Variants in CNTLN observed in about 807,000 individuals in gnomAD.
CNTLN encodes the protein centlein, centrosomal protein.
In CNTLN, 212 loss-of-function variants were observed where a neutral mutation model predicts 180.0. That is an observed-to-expected ratio of 1.18 (90% CI 1.05 to 1.32). The LOEUF is 1.32. CNTLN is among the 40% of genes most tolerant of loss of function. The pLI is 0.00. For missense variants in CNTLN, 2,095 were observed against 1,610.9 expected (o/e 1.30, Z -5.14); for synonymous variants, 722 against 563.1 (o/e 1.28, Z -3.99).
intron 18 of CNTLN, among the ~76,000 whole-genome samples, chr9:17,423,755 T>C (rs1828890754): frequency 6.6e-6 from 1 of 152,126 alleles, no homozygotes; most frequent in Admixed American, 6.5e-5. Context: ...GCGGGGATAG[T>C]TTAAATGCAC....
chr9:17,510,046 C>T, the CNTLN span, among the ~76,000 whole-genome samples: 1 of 152,106 alleles, frequency 6.6e-6, no homozygotes. Context: ...ATCTGGAATA[C>T]AGGTGATCCT....
intron 15 of CNTLN, among the ~76,000 whole-genome samples, chr9:17,398,792 A>G (rs1826734582): frequency 6.6e-6 from 1 of 152,240 alleles, no homozygotes. Flanking sequence ...AAAACGTGCC[A>G]TACCAAAATA....
chr9:17,328,125 C>A (rs1820423609), intron 8 of CNTLN, among the ~76,000 whole-genome samples: 1 of 152,148 alleles, frequency 6.6e-6, no homozygotes, highest in African/African-American at 2.4e-5. Flanking sequence ...TCTATTTCTA[C>A]ATATAATATA....
chr9:17,448,269 G>GA (rs1830564526), intron 18 of CNTLN: 1 of 154,648 alleles, frequency 6.5e-6, no homozygotes, highest in Non-Finnish European at 1.4e-5. Context: ...CCTGGATGAA[G>GA]AAATTTTTCA....
downstream of CNTLN, among the ~76,000 whole-genome samples, chr9:17,505,675 G>C (rs1833920801): frequency 6.6e-6 from 1 of 152,052 alleles, no homozygotes; most frequent in Admixed American, 6.6e-5. Context: ...CCATGGGTTA[G>C]GATACTTATG....
chr9:17,147,876 G>T (rs1453600297), intron 2 of CNTLN, among the ~76,000 whole-genome samples: 1 of 152,042 alleles, frequency 6.6e-6, no homozygotes. Context: ...CTGTATTATT[G>T]GTTTCAACCG....
chr9:17,330,583 G>T, intron 8 of CNTLN, 49 bp from the exon 9 acceptor site: 1 of 978,456 alleles, frequency 1.0e-6, no homozygotes, highest in Non-Finnish European at 1.5e-6. Flanking sequence ...TATAAATAAT[G>T]TAAGATACAA....
chr9:17,409,083 G>A (rs911542896), intron 15 of CNTLN, among the ~76,000 whole-genome samples: 9 of 152,132 alleles, frequency 5.9e-5, no homozygotes, highest in African/African-American at 2.2e-4. Context: ...TTTGAAATTA[G>A]ATAATCTGTT....
intron 2 of CNTLN, among the ~76,000 whole-genome samples, chr9:17,211,268 C>A (rs200067987): frequency 9.9e-5 from 15 of 152,078 alleles, no homozygotes; most frequent in African/African-American, 2.2e-4. Context: ...TCAGCTTTCT[C>A]CATATGGCTA....
intron 8 of CNTLN, among the ~76,000 whole-genome samples, chr9:17,310,279 A>C (rs1819035747): frequency 6.6e-6 from 1 of 152,102 alleles, no homozygotes; most frequent in Non-Finnish European, 1.5e-5. Context: ...ATCATATACA[A>C]ATTTATGAGG....
intron 12 of CNTLN, among the ~76,000 whole-genome samples, chr9:17,359,806 A>G (rs1823207788): frequency 6.9e-6 from 1 of 144,484 alleles, no homozygotes; most frequent in Non-Finnish European, 1.5e-5. Flanking sequence ...AGGCTGAGGC[A>G]GGAGAATGGC....
chr9:17,368,834 C>G (rs1824061373), intron 13 of CNTLN, among the ~76,000 whole-genome samples: 1 of 152,190 alleles, frequency 6.6e-6, no homozygotes, highest in South Asian at 2.1e-4. Flanking sequence ...ATCACAACAC[C>G]CAAGTCCTTT....
At chr9:17,286,745 G>C (rs1275954383) in intron 6 of CNTLN, among the ~76,000 whole-genome samples, 2 of 110,374 alleles carry the variant, frequency 1.8e-5, no homozygotes, top group Non-Finnish European at 3.5e-5. Flanking sequence ...TGGATTCCTA[G>C]GTATTTTATT....
chr9:17,456,654 G>A (rs919345589), intron 18 of CNTLN, among the ~76,000 whole-genome samples: 10 of 151,990 alleles, frequency 6.6e-5, no homozygotes, highest in African/African-American at 2.4e-4. Context: ...TTCCCCCTCT[G>A]AGAGATTTCA....
intron 12 of CNTLN, among the ~76,000 whole-genome samples, chr9:17,363,236 C>A (rs984019860): frequency 6.6e-6 from 1 of 152,072 alleles, no homozygotes; most frequent in Admixed American, 6.5e-5. Flanking sequence ...CTGGGTATAC[C>A]CAGTAATGGG....
chr9:17,330,720 T>C lies in CNTLN; in HGVS notation c.1430T>C (p.Ile477Thr), dbSNP rs1174809378. The C allele has an allele frequency of 1.2e-6, 2 of 1,612,078 alleles. No homozygotes were observed. Among genetic ancestry groups the C allele is most frequent in the South Asian group, 1.1e-5 (1 of 90,868 alleles). ...EIEYLQEKLK[I>T]ANEKLSENIS... ...GAGTATTTACAGGAGAAACTAAAGATAGCAAATGAAAAACTGTCAGAAAAC... is the reference window on the plus strand; with the variant it reads ...GAGTATTTACAGGAGAAACTAAAGACAGCAAATGAAAAACTGTCAGAAAAC... The change falls in exon 9 of 26, where the codon ATA becomes ACA. Residue 477 changes from isoleucine to threonine, a missense_variant. By Grantham distance (89) the Ile-to-Thr change is moderately conservative (BLOSUM62 -1). Transcript: ENST00000380647.
chr9:17,145,534 G>A (rs943023007), intron 2 of CNTLN, among the ~76,000 whole-genome samples: 3 of 152,100 alleles, frequency 2.0e-5, no homozygotes, highest in African/African-American at 4.8e-5. Context: ...TTTTTAAACC[G>A]TGGACTTCCT....
chr9:17,144,013 T>C (rs1006466164), intron 2 of CNTLN, among the ~76,000 whole-genome samples: 1 of 152,232 alleles, frequency 6.6e-6, no homozygotes, highest in African/African-American at 2.4e-5. Flanking sequence ...CTTGCTTTCT[T>C]AGTAAATGGA....
chr9:17,252,247 A>C (rs1826187833), intron 5 of CNTLN, among the ~76,000 whole-genome samples: 1 of 151,764 alleles, frequency 6.6e-6, no homozygotes, highest in Non-Finnish European at 1.5e-5. Context: ...TTTCCTTTGG[A>C]TAGATACCCA....
Sources: gnomAD v4.1 joint callset for allele counts (sites outside exome capture counted in the v4.1 genomes callset) on GRCh38, gnomAD v4.1.1 for gene constraint, MANE v1.5 for transcripts, NCBI Gene and HGNC (gene_info 2026-07-23, HGNC 2026-07-21) for gene names.